The following SLC35D4 variants were observed in gnomAD, a reference collection of about 807,000 sequenced individuals.
SLC35D4 encodes UDP-N-acetylglucosamine transporter SLC35D4.
At chr18:23,400,583 C>T in the SLC35D4 span, among the ~76,000 whole-genome samples, 1 of 152,094 alleles carries the variant, frequency 6.6e-6, no homozygotes, top group African/African-American at 2.4e-5. Flanking sequence ...GCCAAGATCA[C>T]GCCACTGCAA....
At chr18:23,371,923 C>CTTTTTTTTTTTTTT in the SLC35D4 span, among the ~76,000 whole-genome samples, 1 of 111,546 alleles carries the variant, frequency 9.0e-6, no homozygotes, top group African/African-American at 3.6e-5. Context: ...TTATTTCTTC[C>CTTTTTTTTTTTTTT]TTGTTTTTTT....
the SLC35D4 span, among the ~76,000 whole-genome samples, chr18:23,270,578 C>T: frequency 0.027 from 4,069 of 152,282 alleles, 196 homozygotes; most frequent in African/African-American, 0.093. Flanking sequence ...GCAGACAATG[C>T]CAACCTGTGA....
the SLC35D4 span, among the ~76,000 whole-genome samples, chr18:23,275,013 G>GCT: frequency 1.3e-4 from 3 of 22,626 alleles, no homozygotes; most frequent in Admixed American, 8.9e-4. Context: ...TTGTGTATGT[G>GCT]TGTGCTTGTG....
the SLC35D4 span, among the ~76,000 whole-genome samples, chr18:23,319,525 C>A: frequency 2.0e-5 from 3 of 152,280 alleles, no homozygotes; most frequent in South Asian, 6.2e-4. Context: ...CTCACTGCAA[C>A]CTCTGCCTCC....
chr18:23,421,478 G>A, the SLC35D4 span: 4 of 1,601,352 alleles, frequency 2.5e-6, no homozygotes, highest in South Asian at 4.4e-5. Flanking sequence ...GAATTTCATA[G>A]AGTGCTACAG....
the SLC35D4 span, among the ~76,000 whole-genome samples, chr18:23,263,431 T>C: frequency 6.6e-6 from 1 of 152,342 alleles, no homozygotes; most frequent in African/African-American, 2.4e-5. Context: ...CCACATTTGA[T>C]GTGGGGCCCA....
At chr18:23,402,497 T>C in the SLC35D4 span, among the ~76,000 whole-genome samples, 24 of 152,270 alleles carry the variant, frequency 1.6e-4, no homozygotes, top group Admixed American at 1.6e-3. Flanking sequence ...AATAAATAGA[T>C]TGTTTCAGCA....
the SLC35D4 span, among the ~76,000 whole-genome samples, chr18:23,328,115 C>T: frequency 5.3e-5 from 8 of 152,208 alleles, no homozygotes; most frequent in East Asian, 1.5e-3. Context: ...TGGGCAAAAA[C>T]TGGAAGCATT....
the SLC35D4 span, among the ~76,000 whole-genome samples, chr18:23,334,728 C>T: frequency 2.0e-5 from 3 of 152,082 alleles, no homozygotes; most frequent in African/African-American, 7.2e-5. Flanking sequence ...CGGCCGGGCA[C>T]GGTGGCTCAT....
the SLC35D4 span, among the ~76,000 whole-genome samples, chr18:23,275,730 G>A: frequency 6.6e-6 from 1 of 152,120 alleles, no homozygotes; most frequent in African/African-American, 2.4e-5. Flanking sequence ...CTCTTATAGG[G>A]GGTCAAAGGA....
the SLC35D4 span, among the ~76,000 whole-genome samples, chr18:23,251,145 T>C: frequency 2.0e-5 from 3 of 152,190 alleles, no homozygotes; most frequent in African/African-American, 7.2e-5. Context: ...TTCCTGAGCT[T>C]TGACTGATTA....
the SLC35D4 span, among the ~76,000 whole-genome samples, chr18:23,376,428 A>G: frequency 5.3e-5 from 8 of 152,354 alleles, no homozygotes; most frequent in Non-Finnish European, 1.0e-4. Flanking sequence ...TCAGGACAAC[A>G]TGGAGCAGCC....
chr18:23,340,006 T>C, the SLC35D4 span, among the ~76,000 whole-genome samples: 6 of 152,164 alleles, frequency 3.9e-5, no homozygotes, highest in Admixed American at 3.9e-4. Flanking sequence ...AGTGAGTACT[T>C]CTTCCTTTCC....
the SLC35D4 span, among the ~76,000 whole-genome samples, chr18:23,426,072 T>G: frequency 6.6e-6 from 1 of 152,164 alleles, no homozygotes; most frequent in South Asian, 2.1e-4. Context: ...TTTCCTCACA[T>G]TGCACCATAC....
the SLC35D4 span, chr18:23,437,933 A>C: frequency 3.3e-5 from 47 of 1,443,488 alleles, 1 homozygote; most frequent in South Asian, 2.1e-4. Context: ...CAGCAGCAGC[A>C]GCGGCAGCGG....
the SLC35D4 span, among the ~76,000 whole-genome samples, chr18:23,294,175 C>T: frequency 4.6e-5 from 7 of 152,132 alleles, no homozygotes; most frequent in African/African-American, 1.4e-4. Context: ...ATAGAAAGCA[C>T]GTTCTTTCTT....
the SLC35D4 span, among the ~76,000 whole-genome samples, chr18:23,304,055 TAA>T: frequency 1.4e-5 from 2 of 142,858 alleles, no homozygotes; most frequent in Admixed American, 7.0e-5. Flanking sequence ...GTGTTTAAAT[TAA>T]AAAAAAAAAA....
At chr18:23,348,157 T>C in the SLC35D4 span, among the ~76,000 whole-genome samples, 3 of 152,250 alleles carry the variant, frequency 2.0e-5, no homozygotes, top group African/African-American at 4.8e-5. Context: ...TTTTTTTCTA[T>C]TGTGAATTTC....
At chr18:23,420,007 G>A in the SLC35D4 span, among the ~76,000 whole-genome samples, 1 of 152,000 alleles carries the variant, frequency 6.6e-6, no homozygotes, top group Non-Finnish European at 1.5e-5. Flanking sequence ...GGAAAGCATG[G>A]TAAAATAAGG....
Sources: gnomAD v4.1 joint callset for allele counts (sites outside exome capture counted in the v4.1 genomes callset) on GRCh38, gnomAD v4.1.1 for gene constraint, MANE v1.5 for transcripts, NCBI Gene and HGNC (gene_info 2026-07-23, HGNC 2026-07-21) for gene names.